The following CSMD1 variants were observed in gnomAD, a reference collection of about 807,000 sequenced individuals.
CSMD1 encodes CUB and Sushi multiple domains 1.
In CSMD1, 213 loss-of-function variants were observed where a neutral mutation model predicts 417.5. The ratio of observed to expected loss-of-function variants is 0.51; its 90% CI spans 0.46 to 0.57. The LOEUF (loss-of-function observed/expected upper bound fraction) is 0.57, where lower values mean the gene tolerates loss of function less well. Ranked by LOEUF, CSMD1 falls within the 20% of genes least tolerant of loss-of-function variation. The pLI is 0.00. For missense variants in CSMD1, 6,923 were observed against 4,529.7 expected, an observed-to-expected ratio of 1.53 and a Z score of -15.17; for synonymous variants, 2,862 against 1,736.8, an observed-to-expected ratio of 1.65 and a Z score of -16.11.
chr8:4,354,554 C>T (rs988358636), intron 3 of CSMD1, among the ~76,000 whole-genome samples: 3 of 152,134 alleles, frequency 2.0e-5, no homozygotes, highest in African/African-American at 4.8e-5. Flanking sequence ...GCTGCATTAG[C>T]ACTAAACATA....
intron 5 of CSMD1, among the ~76,000 whole-genome samples, chr8:3,952,725 C>T (rs896938261): frequency 6.6e-6 from 1 of 152,106 alleles, no homozygotes; most frequent in South Asian, 2.1e-4. Flanking sequence ...CTGAATTGGA[C>T]ATTTTAAAAT....
At chr8:3,470,336 C>A (rs1475473463) in intron 11 of CSMD1, among the ~76,000 whole-genome samples, 2 of 152,078 alleles carry the variant, frequency 1.3e-5, no homozygotes, top group African/African-American at 4.8e-5. Flanking sequence ...ATTAACATTT[C>A]TAAATTCTTG....
At chr8:3,280,269 G>T (rs575828737) in intron 26 of CSMD1, among the ~76,000 whole-genome samples, 1 of 152,184 alleles carries the variant, frequency 6.6e-6, no homozygotes, top group African/African-American at 2.4e-5. Flanking sequence ...TGGAATTATG[G>T]AAGACAGAAA....
chr8:3,588,927 T>C lies in CSMD1; in HGVS notation c.1098-2667A>G, dbSNP rs201527704. On this transcript the variant is annotated intron_variant, in intron 8 of 69. Transcript: ENST00000635120. ...GTAACATATGGGCAAAGGACCTGAA[T>C]AGACATTTCTTTAAAGAAGACATAA... Among the ~76,000 whole-genome samples the C allele has an allele frequency of 2.6e-5, 4 of 151,992 alleles. No homozygotes were observed. The East Asian group carries it at 5.8e-4, about 22-fold the overall frequency.
intron 1 of CSMD1, among the ~76,000 whole-genome samples, chr8:4,688,913 T>C (rs190234770): frequency 6.6e-6 from 1 of 152,336 alleles, no homozygotes; most frequent in East Asian, 1.9e-4. Flanking sequence ...CACAAGAATG[T>C]GATTGTCCAT....
chr8:4,374,961 T>TGGG lies in CSMD1; in HGVS notation c.415+44989_415+44991dup, dbSNP rs386411922. ...AATGATTAAACAGACAAAGGTGGGG[T>TGGG]GGGGGGGGGGGGCGATAGTGGGGGT... On this transcript the variant is annotated intron_variant, in intron 3 of 69. Coordinates refer to ENST00000635120, the MANE Select transcript of CSMD1 (RefSeq NM_033225.6). Among the ~76,000 whole-genome samples the TGGG allele has an allele frequency of 2.6e-4, 5 of 18,880 alleles. No homozygotes were observed. In the South Asian group the frequency reaches 6.2e-3, roughly 23 times the overall value. The allele number at this position is 18,880 out of a possible 152,430, so 12.4% of individuals were successfully genotyped here.
chr8:4,017,004 T>G (rs558226545), intron 4 of CSMD1, among the ~76,000 whole-genome samples: 3 of 152,234 alleles, frequency 2.0e-5, no homozygotes, highest in Admixed American at 1.3e-4. Flanking sequence ...ACAGAAATCA[T>G]AGAAGACTTT....
intron 1 of CSMD1, among the ~76,000 whole-genome samples, chr8:4,824,132 G>A (rs1158698956): frequency 1.3e-5 from 2 of 150,842 alleles, no homozygotes; most frequent in Non-Finnish European, 3.0e-5. Flanking sequence ...ACACGTACAT[G>A]TAAGGAAATG....
At chr8:4,451,114 G>T (rs1487502085) in intron 2 of CSMD1, among the ~76,000 whole-genome samples, 1 of 152,178 alleles carries the variant, frequency 6.6e-6, no homozygotes, top group Non-Finnish European at 1.5e-5. Flanking sequence ...TTACTCCTGA[G>T]TTCAAGAGAT....
intron 3 of CSMD1, among the ~76,000 whole-genome samples, chr8:4,370,446 T>A (rs1247496422): frequency 2.0e-5 from 3 of 152,162 alleles, no homozygotes; most frequent in South Asian, 4.1e-4. Flanking sequence ...TAATATCTCA[T>A]GGAGATTCTC....
chr8:4,062,781 T>A (rs1332647994), intron 3 of CSMD1, among the ~76,000 whole-genome samples: 1 of 152,022 alleles, frequency 6.6e-6, no homozygotes, highest in Non-Finnish European at 1.5e-5. Context: ...AATCTGATTG[T>A]TCAAACCCAG....
intron 1 of CSMD1, among the ~76,000 whole-genome samples, chr8:4,686,049 C>T (rs1022592644): frequency 3.3e-5 from 5 of 152,138 alleles, no homozygotes; most frequent in Non-Finnish European, 5.9e-5. Context: ...AGGTAATTGG[C>T]AGTTTTATCT....
chr8:3,191,003 A>C (rs1195778901), intron 33 of CSMD1, among the ~76,000 whole-genome samples: 2 of 152,196 alleles, frequency 1.3e-5, no homozygotes, highest in Admixed American at 1.3e-4. Flanking sequence ...GAGTGGCTAT[A>C]AAGTTTCACT....
At chr8:3,457,476 G>A (rs7002311) in intron 12 of CSMD1, among the ~76,000 whole-genome samples, 117,170 of 152,172 alleles carry the variant, frequency 0.77, 45,471 homozygotes, top group African/African-American at 0.88. Context: ...AAAGCAAGAG[G>A]TGATCTAAAA....
rs564369954 is a variant in CSMD1, at chr8:4,281,341, C to A, written c.415+138612G>T. ...GCGAGAACAGGTGGTCCCAGGCCCA[C>A]AGAGTAAGATGACGGCATAAGGTCT... On this transcript the variant is annotated intron_variant, in intron 3 of 69. Transcript: ENST00000635120. 3.3e-5 allele frequency among the ~76,000 whole-genome samples: 5 copies of A among 152,298 alleles called. No homozygotes were observed. In the South Asian group the frequency reaches 8.3e-4, roughly 25 times the overall value.
In CSMD1 at chr8:4,602,586, C is replaced by T. The variant is rs190952710; in HGVS notation, c.302+34756G>A. Among the ~76,000 whole-genome samples the T allele has an allele frequency of 2.5e-4, 38 of 152,264 alleles. 1 individual carries two copies. Among genetic ancestry groups the T allele is most frequent in the African/African-American group, 7.7e-4 (32 of 41,564 alleles). ...GATGTAAAACTCTTTAACGTGCCTA[C>T]AAGTAAAGAAATATTCTATAAAATT... On this transcript the variant is annotated intron_variant, in intron 2 of 69. Transcript: ENST00000635120.
Position 4,527,381 on chromosome 8 carries a change from A to C in CSMD1, c.303-107316T>G, listed in dbSNP as rs566410952. 9.2e-5 allele frequency among the ~76,000 whole-genome samples: 14 copies of C among 152,320 alleles called. No individual in the cohort carries two copies. The East Asian group carries it at 2.7e-3, about 29-fold the overall frequency. On this transcript the variant is annotated intron_variant, in intron 2 of 69. Transcript: ENST00000635120. ...TCACCAGAAAGTAAAATTTGTTTTT[A>C]TACGGTCATTTTATACCTTTTTTCT...
chr8:4,504,489 A>G (rs1802418515), intron 2 of CSMD1, among the ~76,000 whole-genome samples: 1 of 152,278 alleles, frequency 6.6e-6, no homozygotes, highest in South Asian at 2.1e-4. Context: ...TCTTTATTTA[A>G]GTTCTGGAAT....
At chr8:4,945,985 C>T (rs906237458) in intron 1 of CSMD1, among the ~76,000 whole-genome samples, 2 of 152,266 alleles carry the variant, frequency 1.3e-5, no homozygotes, top group South Asian at 2.1e-4. Flanking sequence ...CCAGAAGACA[C>T]GGTAGAGACC....
Sources: allele counts gnomAD v4.1 joint callset (sites outside exome capture counted in the v4.1 genomes callset), GRCh38; gene constraint gnomAD v4.1.1; transcripts MANE v1.5; gene names NCBI Gene and HGNC (gene_info 2026-07-23, HGNC 2026-07-21).